The following RAB3GAP1 variants were observed in gnomAD, a reference collection of about 807,000 sequenced individuals.
RAB3GAP1 encodes RAB3 GTPase activating protein catalytic subunit 1, also known as rab3 GTPase-activating protein catalytic subunit.
RAB3GAP1 carries 86 observed loss-of-function variants against 130.7 expected under a neutral mutation model. The observed-to-expected ratio is 0.66, with a 90% confidence interval of 0.55 to 0.79. The LOEUF (loss-of-function observed/expected upper bound fraction) is 0.79, where lower values mean the gene tolerates loss of function less well. RAB3GAP1 is among the 30% of genes least tolerant of loss of function. RAB3GAP1 has a pLI of 0.00. For synonymous variants in RAB3GAP1, 367 were observed against 401.7 expected (o/e 0.91, Z 1.03); for missense variants, 1,029 against 1,169.4 (o/e 0.88, Z 1.75).
intron 12 of RAB3GAP1, 146 bp downstream of exon 12, chr2:135,130,233 C>A: frequency 1.4e-6 from 1 of 718,812 alleles, no homozygotes; most frequent in Non-Finnish European, 2.4e-6. Context: ...CAGTTCCTTT[C>A]CAGGCTGTAC....
At position 135,108,445 on chromosome 2, in the gene RAB3GAP1, C is replaced by T. The variant is rs376534199; in HGVS notation, c.363-4706C>T. ...TTCCCTGATTACATGTGATATGGAA[C>T]ATCTTTTCATACGCTTGTTTGCTAT... On this transcript the variant is annotated intron_variant, in intron 5 of 23. Coordinates refer to ENST00000264158, the MANE Select transcript of RAB3GAP1 (RefSeq NM_012233.3). Among the ~76,000 whole-genome samples the T allele has an allele frequency of 2.1e-4, 32 of 151,492 alleles. No homozygotes were observed. In the South Asian group the frequency reaches 5.6e-3, roughly 27 times the overall value.
intron 17 of RAB3GAP1, among the ~76,000 whole-genome samples, chr2:135,149,128 G>A (rs1301923167): frequency 6.6e-6 from 1 of 152,134 alleles, no homozygotes; most frequent in Admixed American, 6.5e-5. Flanking sequence ...GAGATAGTCA[G>A]TGTCCTCTCA....
intron 3 of RAB3GAP1, among the ~76,000 whole-genome samples, chr2:135,065,149 C>G (rs1317857997): frequency 1.3e-5 from 2 of 152,092 alleles, no homozygotes; most frequent in Non-Finnish European, 2.9e-5. Context: ...GAATTTACAC[C>G]TCAATGTTAG....
intron 11 of RAB3GAP1, among the ~76,000 whole-genome samples, chr2:135,128,096 C>A (rs1691411062): frequency 6.6e-6 from 1 of 152,142 alleles, no homozygotes; most frequent in South Asian, 2.1e-4. Flanking sequence ...GCATTGTTTT[C>A]TTGGGCTCTT....
At chr2:135,054,398 A>G (rs1688954981) in intron 2 of RAB3GAP1, among the ~76,000 whole-genome samples, 1 of 152,174 alleles carries the variant, frequency 6.6e-6, no homozygotes, top group Non-Finnish European at 1.5e-5. Flanking sequence ...ATGGTGGGAG[A>G]CTTAACTTGA....
chr2:135,078,453 A>G (rs1357268584), intron 3 of RAB3GAP1, among the ~76,000 whole-genome samples: 1 of 152,162 alleles, frequency 6.6e-6, no homozygotes, highest in South Asian at 2.1e-4. Flanking sequence ...AGCTTTTCCA[A>G]ACTGTCCCAT....
At chr2:135,058,624 G>A (rs1453942848) in intron 3 of RAB3GAP1, 2 of 151,936 alleles carry the variant, frequency 1.3e-5, no homozygotes, top group African/African-American at 4.8e-5. Context: ...TTTTATTTAA[G>A]AATGAAAAAA....
At chr2:135,167,771 CATAAG>C in intron 23 of RAB3GAP1, 2 of 1,392,940 alleles carry the variant, frequency 1.4e-6, no homozygotes, top group East Asian at 5.1e-5. Flanking sequence ...CCTCTAATTT[CATAAG>C]GTCATTAACA....
intron 3 of RAB3GAP1, among the ~76,000 whole-genome samples, chr2:135,062,900 C>T (rs1689216845): frequency 6.6e-6 from 1 of 152,062 alleles, no homozygotes; most frequent in South Asian, 2.1e-4. Flanking sequence ...GCTAAACGCA[C>T]TTATTAATCG....
intron 3 of RAB3GAP1, among the ~76,000 whole-genome samples, chr2:135,081,330 AT>A (rs1558766427): frequency 3.2e-4 from 24 of 75,470 alleles, no homozygotes; most frequent in African/African-American, 8.9e-4. Context: ...AAAAAAAAAT[AT>A]ATATATATAT....
rs752043701 is a variant in RAB3GAP1, at chr2:135,093,588, CT to C, written c.284-22del. Reference sequence around the variant, plus strand: ...CTCTGCCTGATCATGAACATACTAACTTTTTCATTATCAAATGTTTTTGTAG... The same window carrying C: ...CTCTGCCTGATCATGAACATACTAACTTTTCATTATCAAATGTTTTTGTAG... On this transcript the variant is annotated intron_variant, in intron 4 of 23. Transcript: ENST00000264158. The C allele has an allele frequency of 7.0e-6, 11 of 1,566,748 alleles. No individual in the cohort carries two copies. In the African/African-American group the frequency reaches 1.4e-4, roughly 19 times the overall value.
At chr2:135,097,746 T>G (rs2104886093) in intron 5 of RAB3GAP1, among the ~76,000 whole-genome samples, 1 of 152,360 alleles carries the variant, frequency 6.6e-6, no homozygotes, top group Admixed American at 6.5e-5. Flanking sequence ...GAGTAGTATT[T>G]TATTGTAAGG....
intron 3 of RAB3GAP1, among the ~76,000 whole-genome samples, chr2:135,079,901 G>T (rs1341691033): frequency 6.6e-6 from 1 of 152,056 alleles, no homozygotes; most frequent in Non-Finnish European, 1.5e-5. Flanking sequence ...AGGCCGAGGC[G>T]GGCGGATCAC....
rs1280666356 is a variant in RAB3GAP1, at chr2:135,052,478, T to C, written c.67T>C (p.Trp23Arg). Residue 23 changes from tryptophan (W) to arginine (R), a missense_variant, in exon 2 of 24, where the codon TGG (tryptophan) becomes CGG (arginine). Transcript: ENST00000264158. ...CACGGACTTCACCACTGCCTCGGAA[T>C]GGGAAAGGTGAGTGAATCGCATTTT... ...EITDFTTASE[W>R]ERFISKVEEV... 6.2e-7 allele frequency: 1 copy of C among 1,613,622 alleles called. No individual in the cohort carries two copies. The highest frequency in any genetic ancestry group is 2.2e-5 in the East Asian group (1 of 44,884).
rs184273298 is a variant in RAB3GAP1 at position 135,121,682 on chromosome 2, C to G, written c.748+764C>G. 7.2e-3 allele frequency among the ~76,000 whole-genome samples: 1,098 copies of G among 152,250 alleles called. 3 individuals carry two copies. Among genetic ancestry groups the G allele is most frequent in the Middle Eastern group, 0.048 (14 of 294 alleles). On this transcript the variant is annotated intron_variant, in intron 8 of 23. Coordinates refer to ENST00000264158, the MANE Select transcript of RAB3GAP1 (RefSeq NM_012233.3). Reference sequence around the variant, plus strand: ...TACTAGCCTGAAAACGTTTTTTAATCTACTTCTCCTAAAGAGAAATAAAAT... The same window carrying G: ...TACTAGCCTGAAAACGTTTTTTAATGTACTTCTCCTAAAGAGAAATAAAAT...
At chr2:135,072,749 TA>T (rs1689514252) in intron 3 of RAB3GAP1, among the ~76,000 whole-genome samples, 1 of 152,220 alleles carries the variant, frequency 6.6e-6, no homozygotes, top group Non-Finnish European at 1.5e-5. Flanking sequence ...ATCTTTTTTA[TA>T]ACCTTCCTTA....
intron 16 of RAB3GAP1, 57 bp from the exon 17 acceptor site, chr2:135,135,507 A>G (rs1489994871): frequency 6.7e-7 from 1 of 1,502,312 alleles, no homozygotes; most frequent in Non-Finnish European, 9.0e-7. Flanking sequence ...AGCAGTAGGT[A>G]GATTTTTATT....
intron 3 of RAB3GAP1, among the ~76,000 whole-genome samples, chr2:135,063,877 A>G (rs573868984): frequency 5.7e-4 from 87 of 152,244 alleles, no homozygotes; most frequent in African/African-American, 2.0e-3. Flanking sequence ...TGCTATTTTT[A>G]ACTTTCTGGG....
intron 15 of RAB3GAP1, 70 bp from the exon 16 acceptor site, chr2:135,135,195 T>C: frequency 4.1e-6 from 5 of 1,229,596 alleles, no homozygotes; most frequent in Admixed American, 1.7e-5. Context: ...TATGGTAGTA[T>C]AGAAAATAAT....
Sources: allele counts gnomAD v4.1 joint callset (sites outside exome capture counted in the v4.1 genomes callset), GRCh38; gene constraint gnomAD v4.1.1; transcripts MANE v1.5; gene names NCBI Gene and HGNC (gene_info 2026-07-23, HGNC 2026-07-21).